The following ROBO1 variants were observed in gnomAD, a reference collection of about 807,000 sequenced individuals.
ROBO1 encodes the protein roundabout guidance receptor 1.
A neutral mutation model predicts 195.9 loss-of-function variants in ROBO1; 149 were observed. That is an observed-to-expected ratio of 0.76 (90% CI 0.67 to 0.87). The LOEUF (loss-of-function observed/expected upper bound fraction) is 0.87. ROBO1 is among the 40% of genes least tolerant of loss of function. The pLI, the probability that ROBO1 is intolerant of heterozygous loss-of-function variation, is 0.00. For synonymous variants in ROBO1, 816 were observed against 733.2 expected (o/e 1.11, Z -1.82); for missense variants, 1,933 against 2,068.3 (o/e 0.93, Z 1.27).
intron 3 of ROBO1, among the ~76,000 whole-genome samples, chr3:79,034,612 T>G (rs183272792): frequency 3.0e-3 from 450 of 152,290 alleles, no homozygotes; most frequent in African/African-American, 0.01. Context: ...GAGGTCTAAA[T>G]TTCTAATAAA....
chr3:79,517,929 GA>G (rs968136193), intron 2 of ROBO1, among the ~76,000 whole-genome samples: 4 of 152,086 alleles, frequency 2.6e-5, no homozygotes, highest in Admixed American at 1.3e-4. Flanking sequence ...TCCCTTTCAG[GA>G]AAAAATCTGG....
intron 2 of ROBO1, among the ~76,000 whole-genome samples, chr3:79,247,574 C>T (rs2082647537): frequency 6.6e-6 from 1 of 151,856 alleles, no homozygotes; most frequent in Non-Finnish European, 1.5e-5. Flanking sequence ...ATAACGGAAT[C>T]TCCCCAACTT....
chr3:79,580,420 T>G (rs1943622626), intron 2 of ROBO1, among the ~76,000 whole-genome samples: 1 of 150,898 alleles, frequency 6.6e-6, no homozygotes, highest in Admixed American at 6.6e-5. Flanking sequence ...AGGCAAAGGT[T>G]GCAGTGAGCC....
At chr3:79,541,074 G>T (rs1942048677) in intron 2 of ROBO1, among the ~76,000 whole-genome samples, 1 of 152,006 alleles carries the variant, frequency 6.6e-6, no homozygotes, top group Non-Finnish European at 1.5e-5. Flanking sequence ...AATTCTAAAA[G>T]TGTTAACTTC....
At chr3:79,067,175 G>A (rs2079017495) in intron 3 of ROBO1, among the ~76,000 whole-genome samples, 1 of 151,904 alleles carries the variant, frequency 6.6e-6, no homozygotes. Context: ...ACAAAGATAT[G>A]TCTCATGATT....
At chr3:79,224,397 C>A (rs556318607) in intron 2 of ROBO1, among the ~76,000 whole-genome samples, 1 of 152,300 alleles carries the variant, frequency 6.6e-6, no homozygotes, top group Admixed American at 6.5e-5. Context: ...CACTCAGCTG[C>A]AAACTCAGGC....
intron 2 of ROBO1, among the ~76,000 whole-genome samples, chr3:79,281,944 G>T (rs957137860): frequency 3.3e-5 from 5 of 152,048 alleles, no homozygotes; most frequent in Non-Finnish European, 7.4e-5. Flanking sequence ...CCATTCATTC[G>T]TTTGTTCACC....
intron 8 of ROBO1, among the ~76,000 whole-genome samples, chr3:78,690,556 G>A (rs1225264436): frequency 6.6e-6 from 1 of 151,986 alleles, no homozygotes; most frequent in African/African-American, 2.4e-5. Context: ...ATCACTGCTT[G>A]GGGATTTTCC....
chr3:78,799,543 G>A (rs542738026), intron 4 of ROBO1, among the ~76,000 whole-genome samples: 20 of 151,718 alleles, frequency 1.3e-4, no homozygotes, highest in South Asian at 6.2e-4. Context: ...GGGTTTCACC[G>A]TGTTAGCCAG....
intron 2 of ROBO1, among the ~76,000 whole-genome samples, chr3:79,535,813 A>G (rs1941836270): frequency 6.6e-6 from 1 of 152,018 alleles, no homozygotes; most frequent in Non-Finnish European, 1.5e-5. Context: ...AGAAGCAGTC[A>G]CTCACACCCT....
At chr3:79,740,044 T>C (rs944648937) in intron 1 of ROBO1, among the ~76,000 whole-genome samples, 1 of 151,556 alleles carries the variant, frequency 6.6e-6, no homozygotes, top group African/African-American at 2.4e-5. Flanking sequence ...ACATAGCATT[T>C]CTGAAGTATA....
intron 2 of ROBO1, among the ~76,000 whole-genome samples, chr3:79,310,731 C>T (rs1380310167): frequency 1.3e-5 from 2 of 151,736 alleles, no homozygotes; most frequent in African/African-American, 4.8e-5. Flanking sequence ...TCACAAGTAC[C>T]CCTTAAATAT....
At chr3:79,474,970 C>T (rs984543350) in intron 2 of ROBO1, among the ~76,000 whole-genome samples, 1 of 151,918 alleles carries the variant, frequency 6.6e-6, no homozygotes, top group Non-Finnish European at 1.5e-5. Context: ...TCTAGGAAAA[C>T]TGGGAGAATT....
chr3:79,161,826 G>C (rs1009005275), intron 2 of ROBO1, among the ~76,000 whole-genome samples: 7 of 152,006 alleles, frequency 4.6e-5, no homozygotes, highest in Non-Finnish European at 1.0e-4. Flanking sequence ...TCTATCCCTA[G>C]CTTGGTACCC....
At chr3:79,692,569 G>A (rs1447306908) in intron 1 of ROBO1, among the ~76,000 whole-genome samples, 2 of 151,786 alleles carry the variant, frequency 1.3e-5, no homozygotes, top group African/African-American at 4.8e-5. Flanking sequence ...GAAAGACACA[G>A]GAAGACAAGT....
chr3:78,676,494 C>G (rs1708437467), intron 10 of ROBO1, among the ~76,000 whole-genome samples: 2 of 152,190 alleles, frequency 1.3e-5, no homozygotes, highest in African/African-American at 4.8e-5. Flanking sequence ...GCTGATGGAG[C>G]TGAAAGCCAA....
chr3:79,488,201 T>C (rs1255179882), intron 2 of ROBO1, among the ~76,000 whole-genome samples: 1 of 152,208 alleles, frequency 6.6e-6, no homozygotes, highest in Admixed American at 6.5e-5. Flanking sequence ...AAAATGAATC[T>C]TTGAGAGGTA....
chr3:79,721,360 A>G (rs1702693621), intron 1 of ROBO1, among the ~76,000 whole-genome samples: 2 of 152,100 alleles, frequency 1.3e-5, no homozygotes, highest in Admixed American at 1.3e-4. Flanking sequence ...TATTGTTTAT[A>G]TCATAAAAAA....
At position 78,929,585 on chromosome 3, in the gene ROBO1, C is replaced by T. The variant is rs552617118; in HGVS notation, c.499+9016G>A. On this transcript the variant is annotated intron_variant, in intron 4 of 30. Coordinates refer to ENST00000464233, the MANE Select transcript of ROBO1 (RefSeq NM_002941.4). ...TGATGCCACCTCAGCTCACTGCAAC[C>T]TCCACATCCCGGGCTCAACCAATCC... Among the ~76,000 whole-genome samples, 9 of 151,966 alleles carry T rather than the reference C, an allele frequency of 5.9e-5. No homozygotes were observed. In the South Asian group the frequency reaches 1.7e-3, roughly 28 times the overall value.
Sources: allele counts gnomAD v4.1 joint callset (sites outside exome capture counted in the v4.1 genomes callset), GRCh38; gene constraint gnomAD v4.1.1; transcripts MANE v1.5; gene names NCBI Gene and HGNC (gene_info 2026-07-23, HGNC 2026-07-21).